The following SOX6 variants were observed in gnomAD, a reference collection of about 807,000 sequenced individuals.
The protein encoded by SOX6 is SRY-box transcription factor 6.
SOX6 carries 11 observed loss-of-function variants against 97.8 expected under a neutral mutation model. The observed-to-expected ratio is 0.11, with a 90% CI of 0.07 to 0.19. The LOEUF (loss-of-function observed/expected upper bound fraction) is 0.19. SOX6 is among the 10% of genes least tolerant of loss of function. The pLI, the probability that SOX6 is intolerant of heterozygous loss-of-function variation, is 1.00. For missense variants in SOX6, 810 were observed against 1,039.5 expected (o/e 0.78, Z 3.04); for synonymous variants, 360 against 371.4 (o/e 0.97, Z 0.35).
In SOX6 at chr11:16,283,974, A is replaced by G. The variant is rs541085047; in HGVS notation, c.445+34472T>C. 221 of 375,784 alleles carry G rather than the reference A, an allele frequency of 5.9e-4. 1 individual carries two copies. Among genetic ancestry groups the G allele is most frequent in the South Asian group, 4.2e-3 (211 of 50,132 alleles). The allele number at this position is 375,784 out of a possible 1,614,324, so 23.3% of individuals were successfully genotyped here. A position where few individuals can be genotyped will look rare whatever the true frequency, so the allele number is the denominator to read the frequency against. On this transcript the variant is annotated intron_variant, in intron 3 of 15. Coordinates refer to ENST00000683767, the MANE Select transcript of SOX6 (RefSeq NM_001367873.1). ...AGTATAATTATGCACAGTTTCTAAT[A>G]TCAATATTTAAATAATGTGTTTACA...
chr11:16,540,311 G>A (rs1479925474), intron 4 of SOX6, among the ~76,000 whole-genome samples: 1 of 152,010 alleles, frequency 6.6e-6, no homozygotes, highest in East Asian at 1.9e-4. Context: ...GGTATTGATG[G>A]GACATATTTC....
chr11:16,335,311 A>G (rs1590134957), intron 2 of SOX6, among the ~76,000 whole-genome samples: 1 of 152,324 alleles, frequency 6.6e-6, no homozygotes, highest in African/African-American at 2.4e-5. Flanking sequence ...TCCAAAATCC[A>G]AAAATGAGAG....
intron 9 of SOX6, among the ~76,000 whole-genome samples, chr11:16,094,390 G>C (rs1419982090): frequency 5.3e-5 from 8 of 151,806 alleles, no homozygotes; most frequent in Admixed American, 5.3e-4. Context: ...ACCTGGCTAA[G>C]GGAAGATTGA....
At chr11:16,458,100 CT>C (rs1176518209) in intron 1 of SOX6, among the ~76,000 whole-genome samples, 2 of 152,056 alleles carry the variant, frequency 1.3e-5, no homozygotes, top group Admixed American at 1.3e-4. Flanking sequence ...CAAAACCTTA[CT>C]TTCCTCTCTG....
intron 9 of SOX6, among the ~76,000 whole-genome samples, chr11:16,085,456 A>G (rs1389331148): frequency 1.3e-5 from 2 of 152,202 alleles, no homozygotes; most frequent in Admixed American, 1.3e-4. Flanking sequence ...ACCTTTGTCC[A>G]TTTGAGCATT....
chr11:16,147,528 A>C (rs1431038416), intron 6 of SOX6, among the ~76,000 whole-genome samples: 2 of 152,006 alleles, frequency 1.3e-5, no homozygotes, highest in African/African-American at 4.8e-5. Flanking sequence ...AGAGTCCATA[A>C]GAAGTTCTTT....
intron 3 of SOX6, among the ~76,000 whole-genome samples, chr11:16,676,863 G>C (rs1847888269): frequency 6.6e-6 from 1 of 151,516 alleles, no homozygotes; most frequent in Admixed American, 6.6e-5. Flanking sequence ...ATTCCGAGAA[G>C]AAAACTTGAG....
chr11:16,583,655 T>C (rs1335999628), intron 4 of SOX6, among the ~76,000 whole-genome samples: 1 of 80,834 alleles, frequency 1.2e-5, no homozygotes, highest in Non-Finnish European at 2.6e-5. Flanking sequence ...ACACACCACA[T>C]TTTCTTTATC....
intron 6 of SOX6, among the ~76,000 whole-genome samples, chr11:16,128,453 C>T (rs1229552698): frequency 6.6e-6 from 1 of 152,098 alleles, no homozygotes; most frequent in Non-Finnish European, 1.5e-5. Flanking sequence ...TAATTTTAAA[C>T]ATAAATGCCA....
At chr11:16,068,153 T>C (rs1719776119) in intron 9 of SOX6, among the ~76,000 whole-genome samples, 1 of 152,096 alleles carries the variant, frequency 6.6e-6, no homozygotes, top group Non-Finnish European at 1.5e-5. Flanking sequence ...TTTATTTGAT[T>C]GATGCTGCCT....
chr11:16,427,958 T>C (rs1306751776), intron 1 of SOX6, among the ~76,000 whole-genome samples: 1 of 152,040 alleles, frequency 6.6e-6, no homozygotes, highest in East Asian at 1.9e-4. Flanking sequence ...AGTGTAAAAG[T>C]GTTCCTATTT....
intron 2 of SOX6, among the ~76,000 whole-genome samples, chr11:16,725,552 A>C (rs1848300601): frequency 6.6e-6 from 1 of 152,132 alleles, no homozygotes; most frequent in Admixed American, 6.5e-5. Context: ...AAAAGACCAC[A>C]TATTGTATGA....
intron 7 of SOX6, among the ~76,000 whole-genome samples, chr11:16,099,315 T>C (rs1848879437): frequency 6.6e-6 from 1 of 151,886 alleles, no homozygotes; most frequent in Non-Finnish European, 1.5e-5. Context: ...ACAATTCTAC[T>C]GATCTTCTTG....
intron 10 of SOX6, among the ~76,000 whole-genome samples, chr11:16,051,073 A>G (rs1847674013): frequency 6.6e-6 from 1 of 152,010 alleles, no homozygotes; most frequent in South Asian, 2.1e-4. Flanking sequence ...GATGATCTCT[A>G]AGGTCTCTTC....
intron 4 of SOX6, among the ~76,000 whole-genome samples, chr11:16,548,609 A>G (rs1847646323): frequency 6.6e-6 from 1 of 152,186 alleles, no homozygotes; most frequent in Non-Finnish European, 1.5e-5. Flanking sequence ...AAATTTAAAA[A>G]TTGAACTGTA....
At chr11:16,301,002 T>C (rs987527045) in intron 3 of SOX6, among the ~76,000 whole-genome samples, 2 of 152,198 alleles carry the variant, frequency 1.3e-5, no homozygotes, top group African/African-American at 2.4e-5. Context: ...CTTTTCTTTT[T>C]TCCCTCATCA....
At chr11:16,284,639 T>A (rs1854678461) in intron 3 of SOX6, among the ~76,000 whole-genome samples, 1 of 152,136 alleles carries the variant, frequency 6.6e-6, no homozygotes. Context: ...TGGTTGAGCA[T>A]CAGTTTACTA....
intron 1 of SOX6, among the ~76,000 whole-genome samples, chr11:16,350,925 C>T (rs984105249): frequency 2.0e-5 from 3 of 152,030 alleles, no homozygotes; most frequent in Non-Finnish European, 4.4e-5. Flanking sequence ...AGGCAAATAG[C>T]TTATTGTTTT....
chr11:16,269,801 G>A (rs116625601), intron 3 of SOX6: 1 of 151,088 alleles, frequency 6.6e-6, no homozygotes, highest in African/African-American at 2.4e-5. Flanking sequence ...TACCACGGAA[G>A]AATTTTTCTT....
Sources: gnomAD v4.1 joint callset for allele counts (sites outside exome capture counted in the v4.1 genomes callset) on GRCh38, gnomAD v4.1.1 for gene constraint, MANE v1.5 for transcripts, NCBI Gene and HGNC (gene_info 2026-07-23, HGNC 2026-07-21) for gene names.